Variants in SEMA3D observed in about 807,000 individuals in gnomAD.
The protein encoded by SEMA3D is semaphorin-3D.
Under a neutral mutation model 100.1 loss-of-function variants are expected in SEMA3D, and 84 were observed. The observed-to-expected ratio is 0.84, with a 90% CI of 0.70 to 1.01. The LOEUF (loss-of-function observed/expected upper bound fraction) is 1.01. SEMA3D is among the 50% of genes least tolerant of loss of function. The pLI is 0.00. For synonymous variants in SEMA3D, 312 were observed against 320.7 expected (o/e 0.97, Z 0.29); for missense variants, 875 against 934.1 (o/e 0.94, Z 0.82).
chr7:85,168,177 A>G (rs1247909854), intron 1 of SEMA3D, among the ~76,000 whole-genome samples: 1 of 151,830 alleles, frequency 6.6e-6, no homozygotes, highest in South Asian at 2.1e-4. Context: ...AAATATGTGG[A>G]AAATGGCCCA....
the SEMA3D span, among the ~76,000 whole-genome samples, chr7:85,223,976 G>T: frequency 3.3e-5 from 5 of 151,982 alleles, no homozygotes; most frequent in African/African-American, 1.2e-4. Flanking sequence ...GGCAAAGGCA[G>T]ACAGACACAG....
At chr7:85,189,714 A>T (rs547766090), upstream of SEMA3D, among the ~76,000 whole-genome samples, 280 of 152,338 alleles carry the variant, frequency 1.8e-3, 1 homozygote, top group African/African-American at 6.6e-3. Context: ...TCTTGGAAAC[A>T]TTATTGAATA....
intron 1 of SEMA3D, among the ~76,000 whole-genome samples, chr7:85,164,006 C>G (rs766999618): frequency 6.6e-6 from 1 of 151,990 alleles, no homozygotes; most frequent in African/African-American, 2.4e-5. Context: ...TGAATGTTTA[C>G]TATGAAATAA....
intron 4 of SEMA3D, among the ~76,000 whole-genome samples, chr7:85,083,325 GT>G (rs2116242213): frequency 6.6e-6 from 1 of 152,246 alleles, no homozygotes; most frequent in African/African-American, 2.4e-5. Context: ...AGAGAATAAT[GT>G]AAGTTAGTAA....
intron 1 of SEMA3D, among the ~76,000 whole-genome samples, chr7:85,185,380 G>C (rs891699161): frequency 2.0e-5 from 3 of 151,938 alleles, no homozygotes; most frequent in African/African-American, 4.8e-5. Context: ...ACACATGCAG[G>C]AGAACCCTTT....
At chr7:85,089,365 G>A (rs1788311936) in intron 4 of SEMA3D, among the ~76,000 whole-genome samples, 1 of 152,024 alleles carries the variant, frequency 6.6e-6, no homozygotes, top group African/African-American at 2.4e-5. Context: ...CATCTCCCCA[G>A]AAAGGTCTTT....
chr7:84,999,374 G>T lies in SEMA3D; in HGVS notation c.*66C>A. On this transcript the variant is annotated 3_prime_UTR_variant, in exon 19 of 19. Coordinates refer to ENST00000284136, the MANE Select transcript of SEMA3D (RefSeq NM_001384900.1). ...GAAGCATTTATGAATTACTATAAGG[G>T]ATATACAAAACAGAAGGCAATGTTT... 2 of 1,225,646 alleles carry T rather than the reference G, an allele frequency of 1.6e-6. No homozygotes were observed. Among genetic ancestry groups the T allele is most frequent in the South Asian group, 1.3e-5 (1 of 75,040 alleles). 75.9% of individuals were successfully genotyped at this position (1,225,646 alleles called of 1,614,324 possible).
chr7:85,106,347 A>G (rs953652488), intron 3 of SEMA3D, among the ~76,000 whole-genome samples: 2 of 152,086 alleles, frequency 1.3e-5, no homozygotes, highest in Non-Finnish European at 2.9e-5. Flanking sequence ...TAATGTAGAA[A>G]ACATCGGAAG....
In SEMA3D at chr7:85,060,322, A is replaced by G. The variant is rs552697945; in HGVS notation, c.719-4463T>C. The stretch of plus-strand genomic sequence containing the variant: ...TTAAAAATAAATACAAGTTGCAAGC[A>G]CAGAGTTTATTTCTTGCAGATTCTG... On this transcript the variant is annotated intron_variant, in intron 8 of 18. Transcript: ENST00000284136. Among the ~76,000 whole-genome samples the G allele has an allele frequency of 1.8e-4, 28 of 152,308 alleles. No individual in the cohort carries two copies. In the East Asian group the frequency reaches 3.5e-3, roughly 19 times the overall value.
At chr7:85,096,753 C>A (rs974033406) in intron 4 of SEMA3D, among the ~76,000 whole-genome samples, 12 of 151,682 alleles carry the variant, frequency 7.9e-5, no homozygotes, top group Non-Finnish European at 1.5e-5. Context: ...GCCCTGAGAA[C>A]AAATAATTCT....
At chr7:85,078,367 A>G (rs1787949519) in intron 5 of SEMA3D, among the ~76,000 whole-genome samples, 1 of 152,008 alleles carries the variant, frequency 6.6e-6, no homozygotes, top group African/African-American at 2.4e-5. Context: ...GGAAGGAAGG[A>G]AGGAAGGATA....
At chr7:85,180,024 T>A (rs555095746) in intron 1 of SEMA3D, among the ~76,000 whole-genome samples, 3 of 152,308 alleles carry the variant, frequency 2.0e-5, no homozygotes, top group African/African-American at 7.2e-5. Flanking sequence ...TGGAAAAGCA[T>A]AATTGTGTTT....
chr7:85,211,159 G>A, the SEMA3D span, among the ~76,000 whole-genome samples: 1 of 152,020 alleles, frequency 6.6e-6, no homozygotes. Flanking sequence ...GGGCTTAAAT[G>A]CAAACAACAA....
rs566932966 is a variant in SEMA3D, at chr7:85,094,122, GGA to G, written c.312+3681_312+3682del. 1.6e-4 allele frequency among the ~76,000 whole-genome samples: 24 copies of G among 152,118 alleles called. No homozygotes were observed. In the South Asian group the frequency reaches 4.8e-3, roughly 30 times the overall value. On this transcript the variant is annotated intron_variant, in intron 4 of 18. Coordinates refer to ENST00000284136, the MANE Select transcript of SEMA3D (RefSeq NM_001384900.1). ...GAATAAACAGGGTGCTTTGAGTAAA[GGA>G]GAAAGAGAGGGTGGGGAGAGAGAAG...
In SEMA3D at chr7:85,041,023, T is replaced by A. The variant is rs529280208; in HGVS notation, c.977-281A>T. The A allele has an allele frequency of 1.0e-3, 222 of 213,588 alleles. 1 individual carries two copies. The highest frequency in any genetic ancestry group is 4.8e-3 in the African/African-American group (207 of 42,924). The allele number at this position is 213,588 out of a possible 1,614,324, so 13.2% of individuals were successfully genotyped here. On this transcript the variant is annotated intron_variant, in intron 10 of 18. Transcript: ENST00000284136. ...ATTTTTACCCTCTAGTGTAAAAAAA[T>A]TCTGTCCTATAATTGTGTCAACTTA...
chr7:85,019,533 A>T (rs766672627), intron 14 of SEMA3D, among the ~76,000 whole-genome samples: 22 of 151,892 alleles, frequency 1.4e-4, no homozygotes, highest in Non-Finnish European at 2.7e-4. Flanking sequence ...GAAACAATCC[A>T]TTTTAATAAA....
chr7:85,061,452 T>C (rs1791476796), intron 8 of SEMA3D, among the ~76,000 whole-genome samples: 1 of 152,168 alleles, frequency 6.6e-6, no homozygotes, highest in South Asian at 2.1e-4. Flanking sequence ...GTGATAAAAA[T>C]GGATTTATAA....
At chr7:85,014,640 T>A (rs1306702835) in intron 16 of SEMA3D, among the ~76,000 whole-genome samples, 1 of 151,798 alleles carries the variant, frequency 6.6e-6, no homozygotes, top group South Asian at 2.1e-4. Context: ...CACTGTGGGT[T>A]TCATACAATC....
chr7:85,211,370 T>G, the SEMA3D span, among the ~76,000 whole-genome samples: 22 of 152,178 alleles, frequency 1.4e-4, 1 homozygote, highest in South Asian at 3.9e-3. Flanking sequence ...TTGATATGTA[T>G]TTTAGAGAGG....
Sources: gnomAD v4.1 joint callset for allele counts (sites outside exome capture counted in the v4.1 genomes callset) on GRCh38, gnomAD v4.1.1 for gene constraint, MANE v1.5 for transcripts, NCBI Gene and HGNC (gene_info 2026-07-23, HGNC 2026-07-21) for gene names.